CYP4A22: variants seen among roughly 807,000 people sequenced by gnomAD.
The protein encoded by CYP4A22 is cytochrome P450 4A22.
A neutral mutation model predicts 56.2 loss-of-function variants in CYP4A22; 46 were observed. The ratio of observed to expected loss-of-function variants is 0.82; its 90% confidence interval spans 0.65 to 1.05. CYP4A22 has a LOEUF of 1.05. Ranked by LOEUF, CYP4A22 falls within the 50% of genes least tolerant of loss-of-function variation. CYP4A22 has a pLI of 0.00. For synonymous variants in CYP4A22, 193 were observed against 251.1 expected, an observed-to-expected ratio of 0.77 and a Z score of 2.19; for missense variants, 541 against 645.9, an observed-to-expected ratio of 0.84 and a Z score of 1.76.
intron 11 of CYP4A22, chr1:47,147,471 G>C: frequency 2.1e-6 from 2 of 959,178 alleles, no homozygotes; most frequent in South Asian, 9.7e-5. Context: ...ACAAAAATGT[G>C]TTGTACAGAA....
chr1:47,141,512 T>A, intron 2 of CYP4A22, 59 bp from the exon 3 acceptor site: 1 of 1,586,830 alleles, frequency 6.3e-7, no homozygotes, highest in African/African-American at 1.3e-5. Context: ...TGATGCTGCC[T>A]CTGAGACTGC....
chr1:47,137,751 C>G, intron 1 of CYP4A22, 71 bp downstream of exon 1: 1 of 1,530,346 alleles, frequency 6.5e-7, no homozygotes, highest in Non-Finnish European at 8.8e-7. Context: ...GTCACAAAAT[C>G]CATAGAGCAA....
chr1:47,139,489 A>G (rs1174228526), intron 1 of CYP4A22, among the ~76,000 whole-genome samples: 2 of 152,108 alleles, frequency 1.3e-5, no homozygotes, highest in Non-Finnish European at 1.5e-5. Flanking sequence ...CCTTCATTCC[A>G]TCTCATGTCC....
chr1:47,141,480 C>A (rs1645008455), intron 2 of CYP4A22, 91 bp from the exon 3 acceptor site: 4 of 1,459,382 alleles, frequency 2.7e-6, no homozygotes, highest in African/African-American at 1.4e-5. Flanking sequence ...GGTCAAACTG[C>A]CAACTGACAG....
At chr1:47,143,577 A>C (rs1046490756) in intron 5 of CYP4A22, among the ~76,000 whole-genome samples, 184 bp downstream of exon 5, 1 of 152,206 alleles carries the variant, frequency 6.6e-6, no homozygotes, top group African/African-American at 2.4e-5. Context: ...TTCCTAGCAC[A>C]GGTGGACCCT....
At chr1:47,143,487 C>T (rs1253255703) in intron 5 of CYP4A22, 94 bp downstream of exon 5, 7 of 1,503,934 alleles carry the variant, frequency 4.7e-6, no homozygotes, top group Non-Finnish European at 6.2e-6. Context: ...AGGCTCACCG[C>T]CACACAAAGG....
chr1:47,146,140 T>G lies in CYP4A22; in HGVS notation c.1351T>G (p.Ser451Ala), dbSNP rs1645074035. The G allele has an allele frequency of 6.2e-7, 1 of 1,614,042 alleles. No individual in the cohort carries two copies. The highest frequency in any genetic ancestry group is 1.3e-5 in the African/African-American group (1 of 74,900). Reference protein sequence around the residue: ...AQHSHAFLPFSGGSRNCIGKQ... With the variant: ...AQHSHAFLPFAGGSRNCIGKQ... Reference sequence around the variant, plus strand: ...ACACAGCCACGCTTTCCTGCCCTTCTCAGGAGGATCAAGGTGAGACGTCCT... The same window carrying G: ...ACACAGCCACGCTTTCCTGCCCTTCGCAGGAGGATCAAGGTGAGACGTCCT... The change falls in exon 11 of 12, where the codon TCA (serine) becomes GCA (alanine). Residue 451 changes from serine to alanine, a missense_variant. Ser to Ala is a moderately conservative substitution (Grantham distance 99). Around this residue, in one of 3 missense-constraint regions of CYP4A22, gnomAD observed 204 missense variants for 258.9 expected, o/e 0.79. Transcript: ENST00000371891.
chr1:47,138,858 CA>C (rs67272775), intron 1 of CYP4A22, among the ~76,000 whole-genome samples: 27 of 143,970 alleles, frequency 1.9e-4, no homozygotes, highest in African/African-American at 5.5e-4. Flanking sequence ...AGGAACAGAG[CA>C]AGGTAAACGG....
chr1:47,145,873 G>C lies in CYP4A22; in HGVS notation c.1230G>C (p.Met410Ile). ...TTCCAACCTGCACCACAGGTATCAT[G>C]GTCCTCCTCTCCATTTATGGCCTTC... is the stretch of plus-strand genomic sequence containing the variant. The part of the protein sequence containing the change: ...PDGRSLPKGI[M>I]VLLSIYGLHH... The change falls in exon 10 of 12, where the codon ATG (methionine) becomes ATC (isoleucine). Residue 410 changes from methionine to isoleucine, a missense_variant. Physicochemically the swap from Met to Ile is conservative, Grantham distance 10. Transcript: ENST00000371891. 6.2e-7 allele frequency: 1 copy of C among 1,614,102 alleles called. No individual in the cohort carries two copies. The highest frequency in any genetic ancestry group is 1.1e-5 in the South Asian group (1 of 91,072).
chr1:47,148,406 G>A (rs1569819374), intron 11 of CYP4A22, among the ~76,000 whole-genome samples, 196 bp from the exon 12 acceptor site: 1 of 152,152 alleles, frequency 6.6e-6, no homozygotes, highest in South Asian at 2.1e-4. Context: ...CCAGGAAGAC[G>A]GCTCTGTCCA....
intron 5 of CYP4A22, 144 bp downstream of exon 5, chr1:47,143,537 C>A (rs1166292845): frequency 3.1e-5 from 46 of 1,484,728 alleles, no homozygotes; most frequent in African/African-American, 4.2e-5. Flanking sequence ...CCTGTCCAGA[C>A]CAAACAAAGT....
At chr1:47,138,396 C>G (rs1644968972) in intron 1 of CYP4A22, among the ~76,000 whole-genome samples, 1 of 152,158 alleles carries the variant, frequency 6.6e-6, no homozygotes, top group Non-Finnish European at 1.5e-5. Flanking sequence ...GTATTGACCT[C>G]CTGGCTCTCC....
chr1:47,142,058 T>A (rs1294004036), intron 3 of CYP4A22, 50 bp from the exon 4 acceptor site: 1 of 1,571,502 alleles, frequency 6.4e-7, no homozygotes, highest in Non-Finnish European at 8.7e-7. Flanking sequence ...CATCCCTAGG[T>A]CCGTGCAGCC....
intron 1 of CYP4A22, 48 bp from the exon 2 acceptor site, chr1:47,140,732 A>G (rs201627431): frequency 9.3e-6 from 15 of 1,606,758 alleles, no homozygotes; most frequent in Non-Finnish European, 1.3e-5. Flanking sequence ...TCCTGCTGCA[A>G]AGACTAGAAG....
At chr1:47,142,023 T>C (rs112523109) in intron 3 of CYP4A22, 85 bp from the exon 4 acceptor site, 7 of 1,523,866 alleles carry the variant, frequency 4.6e-6, no homozygotes, top group Middle Eastern at 1.8e-4. Context: ...GAAGCCACCT[T>C]TCTCCCTCCC....
Position 47,147,922 on chromosome 1 carries a change from A to C in CYP4A22, c.1365-680A>C, listed in dbSNP as rs1338255499. On this transcript the variant is annotated intron_variant, in intron 11 of 11. Transcript: ENST00000371891. ...CAGGGAGGGGAAGCAGAAATCCAGA[A>C]AGTCCAAGTGACAAGACTGAGGAAG... Among the ~76,000 whole-genome samples, 3 of 152,190 alleles carry C rather than the reference A, an allele frequency of 2.0e-5. No individual in the cohort carries two copies. The East Asian group carries it at 5.8e-4, about 29-fold the overall frequency.
chr1:47,148,433 G>A (rs1238584841), intron 11 of CYP4A22, among the ~76,000 whole-genome samples, 169 bp from the exon 12 acceptor site: 1 of 152,152 alleles, frequency 6.6e-6, no homozygotes, highest in Non-Finnish European at 1.5e-5. Context: ...GGGACAGTGT[G>A]AAGCCAGGAT....
At chr1:47,141,462 G>C (rs1186353903) in intron 2 of CYP4A22, 109 bp from the exon 3 acceptor site, 1 of 1,256,500 alleles carries the variant, frequency 8.0e-7, no homozygotes, top group Non-Finnish European at 1.1e-6. Flanking sequence ...CAAGTGGGAG[G>C]TGACATGGGT....
At chr1:47,147,192 A>G in intron 11 of CYP4A22, 1 of 985,428 alleles carries the variant, frequency 1.0e-6, no homozygotes, top group South Asian at 4.7e-5. Context: ...TTCCTCCTGA[A>G]ACTCCTTCTC....
Sources: gnomAD v4.1 joint callset for allele counts (sites outside exome capture counted in the v4.1 genomes callset) on GRCh38, gnomAD v4.1.1 for gene constraint, gnomAD v4.1.1 regional missense constraint, MANE v1.5 for transcripts, NCBI Gene and HGNC (gene_info 2026-07-23, HGNC 2026-07-21) for gene names.